The following TBX5 variants were observed in gnomAD, a reference collection of about 807,000 sequenced individuals.
TBX5 encodes T-box transcription factor 5.
Under a neutral mutation model 51.1 loss-of-function variants are expected in TBX5, and 8 were observed. That is an observed-to-expected ratio of 0.16 (90% confidence interval 0.09 to 0.28). TBX5 has a LOEUF of 0.28. Among genes scored for constraint, TBX5 ranks in the 10% least tolerant of loss-of-function variants. The probability of loss-of-function intolerance (pLI) is 1.00; values close to 1 mark genes in which losing one functional copy is unlikely to be tolerated. For missense variants in TBX5, 589 were observed against 671.7 expected (o/e 0.88, Z 1.36); for synonymous variants, 302 against 266.4 (o/e 1.13, Z -1.30).
intron 7 of TBX5, among the ~76,000 whole-genome samples, chr12:114,383,810 G>A (rs932396366): frequency 6.6e-6 from 1 of 152,144 alleles, no homozygotes; most frequent in Non-Finnish European, 1.5e-5. Flanking sequence ...AAAAAGGAGG[G>A]AAGAAGTAAG....
intron 5 of TBX5, among the ~76,000 whole-genome samples, chr12:114,396,114 G>T (rs945685355): frequency 5.3e-5 from 8 of 152,038 alleles, no homozygotes; most frequent in Admixed American, 5.2e-4. Flanking sequence ...GTCCGGCCCC[G>T]ATCGAGTGGA....
chr12:114,363,975 C>A (rs915428043), intron 8 of TBX5, among the ~76,000 whole-genome samples: 2 of 152,182 alleles, frequency 1.3e-5, no homozygotes, highest in Non-Finnish European at 2.9e-5. Flanking sequence ...CCGGGAGTCA[C>A]GCCAGGGGGC....
chr12:114,376,850 T>C (rs1214167323), intron 7 of TBX5, among the ~76,000 whole-genome samples: 1 of 147,412 alleles, frequency 6.8e-6, no homozygotes, highest in Non-Finnish European at 1.5e-5. Flanking sequence ...GATGGGTGAG[T>C]GAGTTTCTCC....
chr12:114,401,711 A>G lies in TBX5; in HGVS notation c.242+115T>C, dbSNP rs180811130. On this transcript the variant is annotated intron_variant, in intron 3 of 8. Transcript: ENST00000405440. ...CTCCTCTCCTTTCTCTTCTTTCTCT[A>G]TATTCCCTCTCCTTTTGCCCCTTTC... The G allele has an allele frequency of 1.0e-4, 90 of 867,424 alleles. 1 individual carries two copies. Among genetic ancestry groups the G allele is most frequent in the Middle Eastern group, 2.2e-4 (1 of 4,572 alleles). 53.7% of individuals were successfully genotyped at this position (867,424 alleles called of 1,614,324 possible). A position where few individuals can be genotyped will look rare whatever the true frequency, so the allele number is the denominator to read the frequency against.
intron 3 of TBX5, 72 bp from the exon 4 acceptor site, chr12:114,399,704 T>A (rs1485354384): frequency 1.9e-6 from 3 of 1,609,472 alleles, no homozygotes; most frequent in Non-Finnish European, 2.5e-6. Context: ...CCTCCATCCA[T>A]TTTAAGGGAA....
chr12:114,372,729 G>A (rs982570307), intron 7 of TBX5, among the ~76,000 whole-genome samples: 2 of 151,990 alleles, frequency 1.3e-5, no homozygotes, highest in Admixed American at 1.3e-4. Context: ...TGGGGCCTTG[G>A]GTCCCACTTG....
chr12:114,404,590 A>G lies in TBX5; in HGVS notation c.-38-654T>C, dbSNP rs142447871. 3.1e-4 allele frequency among the ~76,000 whole-genome samples: 47 copies of G among 152,236 alleles called. No homozygotes were observed. In the East Asian group the frequency reaches 6.2e-3, roughly 20 times the overall value. On this transcript the variant is annotated intron_variant, in intron 1 of 8. Coordinates refer to ENST00000405440, the MANE Select transcript of TBX5 (RefSeq NM_181486.4). ...CATTAAAAGTCCTTTAAAATTAAAC[A>G]TCCTTTTCTTTATCCCAACCTTAAG...
rs373355088 is a variant in TBX5 at position 114,366,077 on chromosome 12, A to C, written c.982+88T>G. The C allele has an allele frequency of 2.3e-6, 3 of 1,317,780 alleles. No homozygotes were observed. The East Asian group carries it at 7.0e-5, about 31-fold the overall frequency. 81.6% of individuals were successfully genotyped at this position (1,317,780 alleles called of 1,614,324 possible). A position where few individuals can be genotyped will look rare whatever the true frequency, so the allele number is the denominator to read the frequency against. ...CATTTTTAAATAAATAAAGTAAATA[A>C]ATGAATACTCCTCACCCCCTCACCC... is the stretch of plus-strand genomic sequence containing the variant. On this transcript the variant is annotated intron_variant, in intron 8 of 8. Transcript: ENST00000405440.
intron 7 of TBX5, among the ~76,000 whole-genome samples, 170 bp downstream of exon 7, chr12:114,385,306 T>C (rs747752964): frequency 6.6e-6 from 1 of 152,102 alleles, no homozygotes; most frequent in Non-Finnish European, 1.5e-5. Flanking sequence ...CAACCACATG[T>C]GAAGGTTATC....
intron 6 of TBX5, among the ~76,000 whole-genome samples, chr12:114,394,508 C>T (rs1306779539): frequency 6.6e-6 from 1 of 152,148 alleles, no homozygotes; most frequent in African/African-American, 2.4e-5. Context: ...AAGTTTGTTT[C>T]TAACTGGTGT....
At chr12:114,392,532 A>G (rs2136407359) in intron 6 of TBX5, among the ~76,000 whole-genome samples, 1 of 152,294 alleles carries the variant, frequency 6.6e-6, no homozygotes, top group Admixed American at 6.5e-5. Flanking sequence ...TTTCTTCCAA[A>G]GGACCTGAGA....
rs201497094 is a variant in TBX5, at chr12:114,355,520, G to A, written c.*12C>T. On this transcript the variant is annotated 3_prime_UTR_variant, in exon 9 of 9. Transcript: ENST00000405440. ...TTCTCTAGGAAATGTCTGTTGTGAA[G>A]CAGGCCTCACTTTAGCTATTGTCGC... 8.1e-6 allele frequency: 13 copies of A among 1,613,788 alleles called. No individual in the cohort carries two copies. Among genetic ancestry groups the A allele is most frequent in the South Asian group, 2.2e-5 (2 of 90,962 alleles).
chr12:114,403,342 G>T (rs1163918143), intron 2 of TBX5, among the ~76,000 whole-genome samples: 2 of 152,238 alleles, frequency 1.3e-5, no homozygotes, highest in Non-Finnish European at 2.9e-5. Context: ...TCAAGCCATC[G>T]CTCATGCCGG....
chr12:114,373,853 C>T (rs972285152), intron 7 of TBX5, among the ~76,000 whole-genome samples: 1 of 152,188 alleles, frequency 6.6e-6, no homozygotes, highest in Non-Finnish European at 1.5e-5. Flanking sequence ...TGTAAATTAA[C>T]CATTTAAACC....
At chr12:114,391,819 C>T (rs1243355062) in intron 6 of TBX5, among the ~76,000 whole-genome samples, 1 of 152,156 alleles carries the variant, frequency 6.6e-6, no homozygotes, top group Non-Finnish European at 1.5e-5. Flanking sequence ...CATATATCCA[C>T]GTGGGAAATG....
upstream of TBX5, among the ~76,000 whole-genome samples, chr12:114,407,622 T>C (rs750630649): frequency 6.6e-6 from 1 of 152,062 alleles, no homozygotes; most frequent in Non-Finnish European, 1.5e-5. Flanking sequence ...CCAAGCAAAA[T>C]AGGGATTTTC....
At chr12:114,404,038 C>T (rs554477818) in intron 1 of TBX5, 102 bp from the exon 2 acceptor site, 12 of 1,299,116 alleles carry the variant, frequency 9.2e-6, no homozygotes, top group South Asian at 3.9e-5. Flanking sequence ...AGCAGTTTGG[C>T]CCCCAGTTTC....
At chr12:114,399,315 T>C (rs1167039777) in intron 4 of TBX5, among the ~76,000 whole-genome samples, 198 bp downstream of exon 4, 2 of 152,112 alleles carry the variant, frequency 1.3e-5, no homozygotes, top group African/African-American at 2.4e-5. Context: ...CTTTCTCATC[T>C]GGAAAACCGG....
intron 6 of TBX5, among the ~76,000 whole-genome samples, chr12:114,392,748 G>A (rs1006535041): frequency 6.6e-6 from 1 of 151,904 alleles, no homozygotes; most frequent in Non-Finnish European, 1.5e-5. Context: ...GACCGTCACC[G>A]CAAAGCTAAA....
Sources: gnomAD v4.1 joint callset for allele counts (sites outside exome capture counted in the v4.1 genomes callset) on GRCh38, gnomAD v4.1.1 for gene constraint, MANE v1.5 for transcripts, NCBI Gene and HGNC (gene_info 2026-07-23, HGNC 2026-07-21) for gene names.